ANO3: variants seen among roughly 807,000 people sequenced by gnomAD.
ANO3 encodes the protein anoctamin-3.
ANO3 carries 99 observed loss-of-function variants against 144.8 expected under a neutral mutation model. The ratio of observed to expected loss-of-function variants is 0.68; its 90% CI spans 0.58 to 0.81. The LOEUF (loss-of-function observed/expected upper bound fraction) is 0.81, where lower values mean the gene tolerates loss of function less well. Among genes scored for constraint, ANO3 ranks in the 30% least tolerant of loss-of-function variants. ANO3 has a pLI of 0.00. For synonymous variants in ANO3, 414 were observed against 392.6 expected, an observed-to-expected ratio of 1.05 and a Z score of -0.64; for missense variants, 905 against 1,202.2, an observed-to-expected ratio of 0.75 and a Z score of 3.66.
At chr11:26,552,452 T>G (rs1849958789) in intron 12 of ANO3, among the ~76,000 whole-genome samples, 1 of 151,900 alleles carries the variant, frequency 6.6e-6, no homozygotes, top group African/African-American at 2.4e-5. Context: ...TAGAGAAGAG[T>G]TAATTCAGGG....
chr11:26,226,845 A>G (rs145178889), intron 1 of ANO3, among the ~76,000 whole-genome samples: 85 of 152,292 alleles, frequency 5.6e-4, no homozygotes, highest in African/African-American at 1.8e-3. Context: ...GGCACTGAAT[A>G]CATTCACATT....
chr11:26,656,606 C>A, intron 26 of ANO3, 125 bp downstream of exon 26: 1 of 652,228 alleles, frequency 1.5e-6, no homozygotes, highest in Non-Finnish European at 2.7e-6. Context: ...CCGTAAAAGG[C>A]TTTAATACAA....
intron 14 of ANO3, among the ~76,000 whole-genome samples, chr11:26,595,438 G>T (rs1358464741): frequency 7.8e-6 from 1 of 127,704 alleles, no homozygotes; most frequent in African/African-American, 3.1e-5. Flanking sequence ...GTAAACTTTT[G>T]ACTCAGTATT....
intron 1 of ANO3, among the ~76,000 whole-genome samples, chr11:26,409,686 A>G (rs1427535582): frequency 1.3e-5 from 2 of 152,010 alleles, no homozygotes; most frequent in African/African-American, 4.8e-5. Flanking sequence ...AATGAGTATC[A>G]TCTACTTTTT....
In ANO3 at chr11:26,343,279, C is replaced by A. The variant is rs78354245; in HGVS notation, c.46+10958C>A. ...ATGTATATATTTATACATCACATTT[C>A]TTTATGCATTCATCTTTCAGTGAAC... On this transcript the variant is annotated intron_variant, in intron 1 of 26. Transcript: ENST00000256737. 4.7e-3 allele frequency among the ~76,000 whole-genome samples: 713 copies of A among 152,272 alleles called. 11 individuals are homozygous for A. Among genetic ancestry groups the A allele is most frequent in the South Asian group, 0.04 (195 of 4,824 alleles).
chr11:26,222,023 T>A (rs1018130740), intron 1 of ANO3, among the ~76,000 whole-genome samples: 1 of 152,132 alleles, frequency 6.6e-6, no homozygotes, highest in Non-Finnish European at 1.5e-5. Flanking sequence ...AATATAATCA[T>A]CCCTTCCCAA....
intron 1 of ANO3, among the ~76,000 whole-genome samples, chr11:26,409,438 G>A (rs890578724): frequency 8.1e-6 from 1 of 124,050 alleles, no homozygotes; most frequent in Non-Finnish European, 1.7e-5. Context: ...AGCTGACATG[G>A]CCCTGAAGAA....
At chr11:26,565,731 T>C (rs1850549957) in intron 14 of ANO3, 1 of 1,613,358 alleles carries the variant, frequency 6.2e-7, no homozygotes, top group Non-Finnish European at 8.5e-7. Flanking sequence ...AGGTTTATTT[T>C]CCATTGTTTT....
At chr11:26,406,676 A>AGTGTGTGTGT (rs72102663) in intron 1 of ANO3, among the ~76,000 whole-genome samples, 2 of 119,244 alleles carry the variant, frequency 1.7e-5, no homozygotes, top group Non-Finnish European at 3.5e-5. Flanking sequence ...AATCTATGGC[A>AGTGTGTGTGT]GTGTGTGTGT....
intron 1 of ANO3, among the ~76,000 whole-genome samples, chr11:26,382,396 AG>A (rs1027968487): frequency 5.9e-5 from 9 of 152,336 alleles, no homozygotes; most frequent in African/African-American, 2.2e-4. Flanking sequence ...AAATTTAATC[AG>A]CAAGAGCATT....
chr11:26,277,400 A>G (rs192047645), intron 1 of ANO3, among the ~76,000 whole-genome samples: 57 of 152,264 alleles, frequency 3.7e-4, no homozygotes, highest in African/African-American at 1.3e-3. Flanking sequence ...GATTCCCAGG[A>G]TGTCTGAATT....
At chr11:26,323,549 G>A (rs1196169436) in intron 1 of ANO3, among the ~76,000 whole-genome samples, 1 of 152,048 alleles carries the variant, frequency 6.6e-6, no homozygotes, top group Non-Finnish European at 1.5e-5. Context: ...GTTGGTCCTT[G>A]TTTAAGAATT....
intron 1 of ANO3, among the ~76,000 whole-genome samples, chr11:26,398,888 G>A (rs1374703996): frequency 2.0e-5 from 3 of 152,024 alleles, no homozygotes; most frequent in Non-Finnish European, 2.9e-5. Context: ...AGTGAACAAA[G>A]CAGACAGGAC....
At chr11:26,244,917 C>T (rs1004796371) in intron 1 of ANO3, among the ~76,000 whole-genome samples, 1 of 150,902 alleles carries the variant, frequency 6.6e-6, no homozygotes, top group Non-Finnish European at 1.5e-5. Flanking sequence ...TCACATATTG[C>T]ATTCACTGTC....
chr11:26,571,810 T>A (rs1219832435), intron 14 of ANO3, among the ~76,000 whole-genome samples: 1 of 152,120 alleles, frequency 6.6e-6, no homozygotes, highest in East Asian at 1.9e-4. Context: ...TCTAGCAAAT[T>A]TGGCAGTAAT....
intron 14 of ANO3, among the ~76,000 whole-genome samples, chr11:26,588,347 T>C (rs1410119229): frequency 6.6e-6 from 1 of 152,192 alleles, no homozygotes; most frequent in Non-Finnish European, 1.5e-5. Flanking sequence ...TTTTTCTAAT[T>C]AACAATTTTA....
At chr11:26,439,927 A>T (rs2134020810) in intron 1 of ANO3, among the ~76,000 whole-genome samples, 1 of 152,306 alleles carries the variant, frequency 6.6e-6, no homozygotes. Flanking sequence ...AGAACATTTT[A>T]TGTAATTTGC....
intron 1 of ANO3, among the ~76,000 whole-genome samples, chr11:26,296,449 T>A (rs937029896): frequency 1.3e-5 from 2 of 152,216 alleles, no homozygotes; most frequent in African/African-American, 4.8e-5. Context: ...TGTCTCTCTT[T>A]TACCAGCCTA....
intron 1 of ANO3, among the ~76,000 whole-genome samples, chr11:26,405,152 G>A (rs571057220): frequency 2.0e-4 from 30 of 151,528 alleles, no homozygotes; most frequent in African/African-American, 7.3e-4. Context: ...CCTTTCATGG[G>A]AAAGAATAAT....
Sources: allele counts gnomAD v4.1 joint callset (sites outside exome capture counted in the v4.1 genomes callset), GRCh38; gene constraint gnomAD v4.1.1; transcripts MANE v1.5; gene names NCBI Gene and HGNC (gene_info 2026-07-23, HGNC 2026-07-21).